ENOX2: variants seen among roughly 807,000 people sequenced by gnomAD.
The protein encoded by ENOX2 is APK1 antigen.
Under a neutral mutation model 45.0 loss-of-function variants are expected in ENOX2, and 36 were observed. That is an observed-to-expected ratio of 0.80 (90% confidence interval 0.61 to 1.06). The LOEUF is 1.06. ENOX2 is among the 50% of genes least tolerant of loss of function. The pLI, the probability that ENOX2 is intolerant of heterozygous loss-of-function variation, is 0.00. For synonymous variants in ENOX2, 174 were observed against 152.3 expected (o/e 1.14, Z -1.05); for missense variants, 423 against 462.5 (o/e 0.91, Z 0.78).
intron 2 of ENOX2, among the ~76,000 whole-genome samples, chrX:130,852,129 C>G (rs192701885): frequency 4.7e-4 from 53 of 112,233 alleles, no homozygotes; most frequent in African/African-American, 1.6e-3. Flanking sequence ...TTATTTTCTT[C>G]CTTTCACACA....
At chrX:130,813,631 C>A (rs998899183) in intron 2 of ENOX2, among the ~76,000 whole-genome samples, 1 of 111,702 alleles carries the variant, frequency 9.0e-6, no homozygotes, top group Non-Finnish European at 1.9e-5. Context: ...CATCACCTCA[C>A]GCGGGAAGCT....
chrX:130,821,742 TAAAAAA>T, intron 2 of ENOX2, among the ~76,000 whole-genome samples: 2 of 23,187 alleles, frequency 8.6e-5, no homozygotes, highest in African/African-American at 1.8e-4. Flanking sequence ...ATAAATAAAT[TAAAAAA>T]AAAAAAAAAA....
At chrX:130,773,234 A>G (rs765498614) in intron 3 of ENOX2, among the ~76,000 whole-genome samples, 1 of 112,193 alleles carries the variant, frequency 8.9e-6, no homozygotes, top group African/African-American at 3.2e-5. Flanking sequence ...TGCACTTGGT[A>G]TTATTACCTC....
At chrX:130,779,632 C>T (rs1975449552) in intron 3 of ENOX2, among the ~76,000 whole-genome samples, 1 of 111,239 alleles carries the variant, frequency 9.0e-6, no homozygotes, top group Admixed American at 9.6e-5. Context: ...GGCAGAGTTT[C>T]GTGCAAAGCT....
At chrX:130,747,181 A>C (rs1323663943) in intron 3 of ENOX2, among the ~76,000 whole-genome samples, 3 of 111,095 alleles carry the variant, frequency 2.7e-5, no homozygotes, top group African/African-American at 9.8e-5. Context: ...CATGGTTTAA[A>C]CAAGTACTCT....
intron 2 of ENOX2, among the ~76,000 whole-genome samples, chrX:130,853,342 T>C (rs1280156976): frequency 9.4e-6 from 1 of 106,287 alleles, no homozygotes; most frequent in Non-Finnish European, 1.9e-5. Context: ...CGGGCGCCTG[T>C]AGTCCCAGCT....
chrX:130,813,707 G>A (rs1305820923), intron 2 of ENOX2, among the ~76,000 whole-genome samples: 1 of 111,663 alleles, frequency 9.0e-6, no homozygotes, highest in Non-Finnish European at 1.9e-5. Flanking sequence ...ATAAAACGGT[G>A]AATTCCGACC....
At chrX:130,715,145 T>G (rs1299131328) in intron 3 of ENOX2, among the ~76,000 whole-genome samples, 1 of 111,525 alleles carries the variant, frequency 9.0e-6, no homozygotes, top group East Asian at 2.8e-4. Context: ...CCCAGTAGGT[T>G]GACTCTGAGA....
intron 2 of ENOX2, among the ~76,000 whole-genome samples, chrX:130,883,784 C>T (rs1156795126): frequency 9.0e-6 from 1 of 111,118 alleles, no homozygotes; most frequent in South Asian, 3.8e-4. Context: ...ATCCATCAGA[C>T]GACTCAACTT....
chrX:130,707,736 T>C (rs1381280227), intron 3 of ENOX2, among the ~76,000 whole-genome samples: 1 of 112,318 alleles, frequency 8.9e-6, no homozygotes, highest in African/African-American at 3.2e-5. Context: ...TTATGCAAAG[T>C]TGAGGAGACA....
intron 2 of ENOX2, among the ~76,000 whole-genome samples, chrX:130,848,611 C>T (rs757754080): frequency 3.5e-4 from 39 of 112,058 alleles, no homozygotes; most frequent in African/African-American, 1.3e-3. Flanking sequence ...CTGGCAACAG[C>T]AGTAGCAGCA....
chrX:130,742,123 C>T (rs2038995290), intron 3 of ENOX2, among the ~76,000 whole-genome samples: 1 of 110,281 alleles, frequency 9.1e-6, no homozygotes, highest in Non-Finnish European at 1.9e-5. Flanking sequence ...GCTTGCTGAG[C>T]TTGCTGGCTG....
At position 130,884,746 on chromosome X, in the gene ENOX2, A is replaced by G. The variant is rs113648427; in HGVS notation, c.-183+16938T>C. 1.6e-4 allele frequency among the ~76,000 whole-genome samples: 18 copies of G among 110,690 alleles called. No homozygotes were observed. In the Middle Eastern group the frequency reaches 0.014, roughly 89 times the overall value. ...TATGAGAGAGAGAGAGAGAGAGAGA[A>G]AGAGAGACACAGAGACAGAGACAGA... On this transcript the variant is annotated intron_variant, in intron 2 of 14. Coordinates refer to ENST00000394363, the MANE Select transcript of ENOX2 (RefSeq NM_006375.4).
At chrX:130,831,639 T>C (rs2077831157) in intron 2 of ENOX2, among the ~76,000 whole-genome samples, 1 of 111,723 alleles carries the variant, frequency 9.0e-6, no homozygotes, top group Non-Finnish European at 1.9e-5. Context: ...CACTTTCTCA[T>C]AGAAACCTTT....
At chrX:130,681,696 A>G (rs753952195) in intron 5 of ENOX2, among the ~76,000 whole-genome samples, 2 of 112,330 alleles carry the variant, frequency 1.8e-5, no homozygotes, top group African/African-American at 6.5e-5. Flanking sequence ...GGGTTATTGT[A>G]GGATAACCGA....
At chrX:130,718,071 CTCTCTT>C (rs1447496163) in intron 3 of ENOX2, among the ~76,000 whole-genome samples, 1 of 111,064 alleles carries the variant, frequency 9.0e-6, no homozygotes, top group Admixed American at 9.6e-5. Flanking sequence ...CTCCTTCTCT[CTCTCTT>C]TCTCTATCTA....
At position 130,670,063 on chromosome X, in the gene ENOX2, C is replaced by T. The variant is rs1054527965; in HGVS notation, c.596G>A (p.Arg199His). ...QRMLAREERH[R>H]RRMEEERLRP... ...CAATCTTTCTTCTTCCATTCTTCTA[C>T]GATGGCGCTCCTCTCTGGCTAGCAT... The change falls in exon 7 of 15, where the codon CGT (arginine) becomes CAT (histidine). Residue 199 changes from arginine (R) to histidine (H), a missense_variant. Arg to His is a conservative substitution (Grantham distance 29, BLOSUM62 0). Transcript: ENST00000394363. 7 of 1,209,018 alleles carry T rather than the reference C, an allele frequency of 5.8e-6. No homozygotes were observed. Among genetic ancestry groups the T allele is most frequent in the East Asian group, 3.0e-5 (1 of 33,780 alleles).
At chrX:130,670,221 GGGAGA>G in intron 6 of ENOX2, 23 bp from the exon 7 acceptor site, 1 of 1,071,161 alleles carries the variant, frequency 9.3e-7, no homozygotes, top group Non-Finnish European at 1.3e-6. Context: ...GAGGGTGAAA[GGGAGA>G]GGAGAGAGGG....
chrX:130,894,673 C>T (rs1251435673), intron 2 of ENOX2, among the ~76,000 whole-genome samples: 1 of 111,169 alleles, frequency 9.0e-6, no homozygotes, highest in African/African-American at 3.3e-5. Context: ...CCATTTAAAA[C>T]CCTGTGTTCA....
Sources: gnomAD v4.1 joint callset for allele counts (sites outside exome capture counted in the v4.1 genomes callset) on GRCh38, gnomAD v4.1.1 for gene constraint, MANE v1.5 for transcripts, NCBI Gene and HGNC (gene_info 2026-07-23, HGNC 2026-07-21) for gene names.